MFSD2A: variants seen among roughly 807,000 people sequenced by gnomAD.
The protein encoded by MFSD2A is MFSD2 lysolipid transporter A, lysophospholipid, also known as sodium-dependent lysophosphatidylcholine symporter 1.
In MFSD2A, 27 loss-of-function variants were observed where a neutral mutation model predicts 64.7. That is an observed-to-expected ratio of 0.42 (90% CI 0.31 to 0.58). MFSD2A has a LOEUF of 0.58. Ranked by LOEUF, MFSD2A falls within the 20% of genes least tolerant of loss-of-function variation. The probability of loss-of-function intolerance (pLI) is 0.18; values close to 1 mark genes in which losing one functional copy is unlikely to be tolerated. For missense variants in MFSD2A, 474 were observed against 679.5 expected, an observed-to-expected ratio of 0.70 and a Z score of 3.36; for synonymous variants, 258 against 273.4, an observed-to-expected ratio of 0.94 and a Z score of 0.55.
Position 39,957,199 on chromosome 1 carries a change from T to C in MFSD2A, c.206T>C (p.Ile69Thr). The C allele has an allele frequency of 1.2e-6, 2 of 1,607,108 alleles. No homozygotes were observed. The highest frequency in any genetic ancestry group is 1.7e-6 in the Non-Finnish European group (2 of 1,176,288). Reference sequence around the variant, plus strand: ...TGTGCCCTGGGTTTCTTCCTTCAGATCTACCTATTGGATGTGGCTCAGGTG... The same window carrying C: ...TGTGCCCTGGGTTTCTTCCTTCAGACCTACCTATTGGATGTGGCTCAGGTG... The part of the protein sequence containing the change: ...TGCALGFFLQ[I>T]YLLDVAQVGP... Residue 69 changes from isoleucine to threonine, a missense_variant, in exon 2 of 14, where the codon ATC (isoleucine) becomes ACC (threonine). By Grantham distance (89) the Ile-to-Thr change is moderately conservative. Transcript: ENST00000372811.
chr1:39,955,326 G>C lies in MFSD2A; in HGVS notation c.34G>C (p.Ala12Pro). ...AKGEGAESGSAAGLLPTSILQ... is the reference protein window; with the variant it reads ...AKGEGAESGSPAGLLPTSILQ... The stretch of plus-strand genomic sequence containing the variant: ...AGGAGAAGGCGCCGAGAGCGGCTCC[G>C]CGGCGGGGCTGCTACCCACCAGCAT... Residue 12 changes from alanine to proline, a missense_variant, in exon 1 of 14, where the codon GCG becomes CCG. Transcript: ENST00000372811. The surrounding 1 kb of genome is among the most constrained non-coding windows in gnomAD (Gnocchi z 5.9). The C allele has an allele frequency of 6.9e-7, 1 of 1,443,432 alleles. No homozygotes were observed. Among genetic ancestry groups the C allele is most frequent in the Non-Finnish European group, 9.1e-7 (1 of 1,096,024 alleles). 89.4% of individuals were successfully genotyped at this position (1,443,432 alleles called of 1,614,324 possible).
intron 10 of MFSD2A, 32 bp downstream of exon 10, chr1:39,967,743 G>A (rs1256882620): frequency 6.2e-7 from 1 of 1,611,688 alleles, no homozygotes; most frequent in Admixed American, 1.7e-5. Flanking sequence ...AGCCTGGGTT[G>A]AGTTGGGATG....
At chr1:39,957,418 G>T (rs1338912333) in intron 2 of MFSD2A, among the ~76,000 whole-genome samples, 197 bp downstream of exon 2, 2 of 152,224 alleles carry the variant, frequency 1.3e-5, no homozygotes, top group Non-Finnish European at 2.9e-5. Context: ...CACTCCAGGA[G>T]TCTTTGCTGG....
chr1:39,961,684 AAC>A (rs989933923), intron 3 of MFSD2A, among the ~76,000 whole-genome samples: 5 of 151,448 alleles, frequency 3.3e-5, no homozygotes, highest in African/African-American at 9.7e-5. Context: ...AAAACAAAAA[AAC>A]ACATATATAG....
intron 1 of MFSD2A, among the ~76,000 whole-genome samples, chr1:39,956,252 G>A (rs1644925293): frequency 6.6e-6 from 1 of 152,186 alleles, no homozygotes; most frequent in South Asian, 2.1e-4. Flanking sequence ...CTGGAGAGTA[G>A]GACAGTTCCT....
At chr1:39,959,053 C>T (rs747042789) in intron 3 of MFSD2A, among the ~76,000 whole-genome samples, 16 of 152,258 alleles carry the variant, frequency 1.1e-4, no homozygotes, top group Non-Finnish European at 2.2e-4. Context: ...CTGGGCAGCT[C>T]AGGCCTCATT....
chr1:39,960,010 G>C lies in MFSD2A; in HGVS notation c.353+1185G>C, dbSNP rs1298537895. Among the ~76,000 whole-genome samples, 1 of 152,240 alleles carries C rather than the reference G, an allele frequency of 6.6e-6. No homozygotes were observed. Among genetic ancestry groups the C allele is most frequent in the East Asian group, 1.9e-4 (1 of 5,190 alleles). On this transcript the variant is annotated intron_variant, in intron 3 of 13. Transcript: ENST00000372811. This position sits in a 1 kb window ranked among gnomAD's most constrained non-coding sequence, Gnocchi z 4.8. ...TTCAGGGTGGCTCCTGGCAGAGCAG[G>C]GGATGGGGTAATACCCGGAATGGGG...
At position 39,958,415 on chromosome 1, in the gene MFSD2A, G is replaced by A. The variant is rs1264236346; in HGVS notation, c.229-286G>A. ...GAGAGGGAGGGAAGGAAATGTTTGT[G>A]GATTCATTTGAATTGATGGGAATGT... is the stretch of plus-strand genomic sequence containing the variant. On this transcript the variant is annotated intron_variant, in intron 2 of 13. Transcript: ENST00000372811. This position sits in a 1 kb window ranked among gnomAD's most constrained non-coding sequence, Gnocchi z 4.7. Among the ~76,000 whole-genome samples the A allele has an allele frequency of 1.3e-5, 2 of 152,118 alleles. No homozygotes were observed. The highest frequency in any genetic ancestry group is 2.9e-5 in the Non-Finnish European group (2 of 67,996).
rs1645245652 is a variant in MFSD2A, at chr1:39,969,870, C to T, written c.*302C>T. ...TTTTTTTACAGAGCCTAATTAATAACTTAATGACTGTGTACATAGCAATGT... is the reference window on the plus strand; with the variant it reads ...TTTTTTTACAGAGCCTAATTAATAATTTAATGACTGTGTACATAGCAATGT... On this transcript the variant is annotated 3_prime_UTR_variant, in exon 14 of 14. Transcript: ENST00000372811. 1 of 443,776 alleles carries T rather than the reference C, an allele frequency of 2.3e-6. No individual in the cohort carries two copies. The highest frequency in any genetic ancestry group is 4.0e-6 in the Non-Finnish European group (1 of 249,936). 27.5% of individuals were successfully genotyped at this position (443,776 alleles called of 1,614,324 possible). A position where few individuals can be genotyped will look rare whatever the true frequency, so the allele number is the denominator to read the frequency against.
At position 39,958,218 on chromosome 1, in the gene MFSD2A, A is replaced by G. The variant is rs1486831507; in HGVS notation, c.229-483A>G. Among the ~76,000 whole-genome samples, 1 of 152,198 alleles carries G rather than the reference A, an allele frequency of 6.6e-6. No individual in the cohort carries two copies. Among genetic ancestry groups the G allele is most frequent in the East Asian group, 1.9e-4 (1 of 5,186 alleles). On this transcript the variant is annotated intron_variant, in intron 2 of 13. Transcript: ENST00000372811. The surrounding 1 kb of genome is among the most constrained non-coding windows in gnomAD (Gnocchi z 4.7). The stretch of plus-strand genomic sequence containing the variant: ...GGGGATAACTTGAGTGGGTAGTGAC[A>G]AGTCCCTTTTTAAAAAGCATCTATA...
chr1:39,955,456 C>A lies in MFSD2A; in HGVS notation c.93+71C>A. ...CGGAAATGGGGGATCAGGGGCGTCC[C>A]GGGGTCGGCCTGGTCAGGGGACCAT... On this transcript the variant is annotated intron_variant, in intron 1 of 13. Coordinates refer to ENST00000372811, the MANE Select transcript of MFSD2A (RefSeq NM_032793.5). The surrounding 1 kb of genome is among the most constrained non-coding windows in gnomAD (Gnocchi z 5.9). The A allele has an allele frequency of 6.9e-7, 1 of 1,455,722 alleles. No individual in the cohort carries two copies. The highest frequency in any genetic ancestry group is 9.3e-7 in the Non-Finnish European group (1 of 1,074,182). The allele number at this position is 1,455,722 out of a possible 1,614,324, so 90.2% of individuals were successfully genotyped here.
In MFSD2A at chr1:39,958,531, T is replaced by C; in HGVS notation, c.229-170T>C. On this transcript the variant is annotated intron_variant, in intron 2 of 13. Transcript: ENST00000372811. This position sits in a 1 kb window ranked among gnomAD's most constrained non-coding sequence, Gnocchi z 4.7. ...AGTGCTACTGTTATTGGAGAAATGC[T>C]ATTGTCATTATTAACAAGGCAAGTG... 2 of 987,284 alleles carry C rather than the reference T, an allele frequency of 2.0e-6. No homozygotes were observed. Among genetic ancestry groups the C allele is most frequent in the Non-Finnish European group, 1.6e-6 (1 of 642,278 alleles). 61.2% of individuals were successfully genotyped at this position (987,284 alleles called of 1,614,324 possible).
At position 39,958,929 on chromosome 1, in the gene MFSD2A, A is replaced by C; in HGVS notation, c.353+104A>C. On this transcript the variant is annotated intron_variant, in intron 3 of 13. Coordinates refer to ENST00000372811, the MANE Select transcript of MFSD2A (RefSeq NM_032793.5). The surrounding 1 kb of genome is among the most constrained non-coding windows in gnomAD (Gnocchi z 4.7). ...TGTCACAGGCAGAAGGGTGAGGAGA[A>C]GGAAGGAGTTAAAAGCCCAAGGGTG... 1 of 1,387,102 alleles carries C rather than the reference A, an allele frequency of 7.2e-7. No homozygotes were observed. The highest frequency in any genetic ancestry group is 9.8e-7 in the Non-Finnish European group (1 of 1,025,162). The allele number at this position is 1,387,102 out of a possible 1,614,324, so 85.9% of individuals were successfully genotyped here. A position where few individuals can be genotyped will look rare whatever the true frequency, so the allele number is the denominator to read the frequency against.
Position 39,968,802 on chromosome 1 carries a change from C to G in MFSD2A, c.1529+57C>G. 6.3e-7 allele frequency: 1 copy of G among 1,588,308 alleles called. No individual in the cohort carries two copies. The highest frequency in any genetic ancestry group is 1.7e-5 in the Admixed American group (1 of 58,552). Reference sequence around the variant, plus strand: ...GGGGACGTCACTGTGTCTAAACCCTCAATTTGTGTCTCCTGTGGCCAAGTC... The same window carrying G: ...GGGGACGTCACTGTGTCTAAACCCTGAATTTGTGTCTCCTGTGGCCAAGTC... On this transcript the variant is annotated intron_variant, in intron 13 of 13. Coordinates refer to ENST00000372811, the MANE Select transcript of MFSD2A (RefSeq NM_032793.5). The surrounding 1 kb of genome is among the most constrained non-coding windows in gnomAD (Gnocchi z 4.4).
At chr1:39,956,688 T>C (rs1247406050) in intron 1 of MFSD2A, among the ~76,000 whole-genome samples, 3 of 152,056 alleles carry the variant, frequency 2.0e-5, no homozygotes, top group African/African-American at 7.2e-5. Flanking sequence ...ACCTTTCTTT[T>C]GTATAAAGTG....
intron 7 of MFSD2A, 47 bp downstream of exon 7, chr1:39,966,738 G>A: frequency 1.2e-6 from 2 of 1,613,350 alleles, no homozygotes; most frequent in Non-Finnish European, 1.7e-6. Flanking sequence ...ATGGACAGCT[G>A]TATCTTTCTG....
At position 39,966,288 on chromosome 1, in the gene MFSD2A, T is replaced by C. The variant is rs550514600; in HGVS notation, c.714+274T>C. Among the ~76,000 whole-genome samples the C allele has an allele frequency of 2.0e-5, 3 of 152,262 alleles. No homozygotes were observed. The South Asian group carries it at 6.2e-4, about 32-fold the overall frequency. Reference sequence around the variant, plus strand: ...GTCAGACTCTGCAGCCTGGTTTCTGTTTTTTTCCTTTTATTATTATTTGTA... The same window carrying C: ...GTCAGACTCTGCAGCCTGGTTTCTGCTTTTTTCCTTTTATTATTATTTGTA... On this transcript the variant is annotated intron_variant, in intron 6 of 13. Transcript: ENST00000372811.
Position 39,955,325 on chromosome 1 carries a change from C to A in MFSD2A, c.33C>A (p.Ser11=). The A allele has an allele frequency of 6.9e-7, 1 of 1,445,332 alleles. No individual in the cohort carries two copies. Among genetic ancestry groups the A allele is most frequent in the Admixed American group, 2.7e-5 (1 of 37,254 alleles). 89.5% of individuals were successfully genotyped at this position (1,445,332 alleles called of 1,614,324 possible). Residue 11 remains serine (S), a synonymous_variant, in exon 1 of 14, where the codon TCC becomes TCA. Coordinates refer to ENST00000372811, the MANE Select transcript of MFSD2A (RefSeq NM_032793.5). This position sits in a 1 kb window ranked among gnomAD's most constrained non-coding sequence, Gnocchi z 5.9. The part of the protein sequence containing the change: MAKGEGAESG[S]AAGLLPTSIL... ...AAGGAGAAGGCGCCGAGAGCGGCTC[C>A]GCGGCGGGGCTGCTACCCACCAGCA... is the stretch of plus-strand genomic sequence containing the variant.
In MFSD2A at chr1:39,967,984, G is replaced by A. The variant is rs1645200716; in HGVS notation, c.1208+68G>A. 5.0e-6 allele frequency: 5 copies of A among 1,000,148 alleles called. No individual in the cohort carries two copies. In the East Asian group the frequency reaches 1.2e-4, roughly 24 times the overall value. 62.0% of individuals were successfully genotyped at this position (1,000,148 alleles called of 1,614,324 possible). ...TAGTCCCCAGTTTTGAAGCTCCTTAGGGAGAGTTCTATGCAGTGTTCTCCC... is the reference window on the plus strand; with the variant it reads ...TAGTCCCCAGTTTTGAAGCTCCTTAAGGAGAGTTCTATGCAGTGTTCTCCC... On this transcript the variant is annotated intron_variant, in intron 11 of 13. Coordinates refer to ENST00000372811, the MANE Select transcript of MFSD2A (RefSeq NM_032793.5).
Sources: gnomAD v4.1 joint callset for allele counts (sites outside exome capture counted in the v4.1 genomes callset) on GRCh38, gnomAD v4.1.1 for gene constraint, Gnocchi (gnomAD v3.1) non-coding constraint, MANE v1.5 for transcripts, NCBI Gene and HGNC (gene_info 2026-07-23, HGNC 2026-07-21) for gene names.